The following SVIL variants were observed in gnomAD, a reference collection of about 807,000 sequenced individuals.
SVIL encodes the protein supervillin.
SVIL carries 101 observed loss-of-function variants against 240.4 expected under a neutral mutation model. The observed-to-expected ratio is 0.42, with a 90% CI of 0.36 to 0.50. SVIL has a LOEUF of 0.50. Among genes scored for constraint, SVIL ranks in the 20% least tolerant of loss-of-function variants. The probability of loss-of-function intolerance (pLI) is 0.01; values close to 1 mark genes in which losing one functional copy is unlikely to be tolerated. For synonymous variants in SVIL, 999 were observed against 1,100.0 expected (o/e 0.91, Z 1.82); for missense variants, 2,512 against 2,818.7 (o/e 0.89, Z 2.46).
intron 23 of SVIL, 47 bp from the exon 24 acceptor site, chr10:29,487,346 T>C (rs1484658535): frequency 6.2e-7 from 1 of 1,610,088 alleles, no homozygotes; most frequent in Non-Finnish European, 8.5e-7. Flanking sequence ...AGAACGGGGA[T>C]AGGACGCACC....
intron 6 of SVIL, among the ~76,000 whole-genome samples, chr10:29,544,645 C>T (rs1419756019): frequency 6.6e-6 from 1 of 150,376 alleles, no homozygotes; most frequent in Non-Finnish European, 1.5e-5. Context: ...TAAGTCCCAA[C>T]TACTCAGAAG....
In SVIL at chr10:29,550,674, G is replaced by A. The variant is rs781641007; in HGVS notation, c.750C>T (p.His250=). Residue 250 remains histidine (H), a synonymous_variant, in exon 6 of 38, where the codon CAC becomes CAT. Transcript: ENST00000355867. The stretch of plus-strand genomic sequence containing the variant: ...AGGCTGCCTGCTGCAGGGAGGAGCT[G>A]TGGGCGTGCTTGGGGGACCGTGGCA... ...TEVPRSPKHA[H]SSSLQQAASR... is the part of the protein sequence containing the mutation. The A allele has an allele frequency of 4.3e-6, 7 of 1,613,946 alleles. No homozygotes were observed. The African/African-American group carries it at 9.3e-5, about 22-fold the overall frequency.
chr10:29,594,917 G>T (rs1425025977), intron 1 of SVIL, among the ~76,000 whole-genome samples: 1 of 152,226 alleles, frequency 6.6e-6, no homozygotes, highest in Non-Finnish European at 1.5e-5. Flanking sequence ...ACACCTCTGG[G>T]TTGTATAGTT....
At chr10:29,576,124 T>G (rs1419263399) in intron 1 of SVIL, 1 of 985,210 alleles carries the variant, frequency 1.0e-6, no homozygotes, top group Non-Finnish European at 1.2e-6. Context: ...ACGTTTGGCT[T>G]CATTTTCGTT....
chr10:29,526,010 G>A (rs1950874666), intron 13 of SVIL, among the ~76,000 whole-genome samples: 1 of 152,146 alleles, frequency 6.6e-6, no homozygotes, highest in Non-Finnish European at 1.5e-5. Flanking sequence ...TTTAGCTTTT[G>A]CGGTTTGGCT....
intron 34 of SVIL, 22 bp downstream of exon 34, chr10:29,465,573 A>G (rs1355113139): frequency 1.3e-6 from 2 of 1,587,074 alleles, no homozygotes; most frequent in Non-Finnish European, 1.7e-6. Context: ...TGCTCAGCAT[A>G]GCTGCCCCCT....
intron 6 of SVIL, among the ~76,000 whole-genome samples, chr10:29,549,865 A>C (rs1195800600): frequency 1.1e-4 from 10 of 92,762 alleles, no homozygotes; most frequent in East Asian, 6.7e-4. Flanking sequence ...CACTCTGGGG[A>C]CTGTTGTGGG....
chr10:29,536,605 A>C (rs1027781113), intron 6 of SVIL, among the ~76,000 whole-genome samples: 1 of 152,166 alleles, frequency 6.6e-6, no homozygotes, highest in Non-Finnish European at 1.5e-5. Flanking sequence ...AAGTAATTTT[A>C]AATTATTAGA....
chr10:29,476,228 C>T (rs963058673), intron 29 of SVIL, among the ~76,000 whole-genome samples: 1 of 152,168 alleles, frequency 6.6e-6, no homozygotes, highest in Non-Finnish European at 1.5e-5. Flanking sequence ...ATTTGTTGCA[C>T]TAAATAGATT....
intron 17 of SVIL, among the ~76,000 whole-genome samples, chr10:29,511,491 G>A (rs533019773): frequency 6.6e-6 from 1 of 151,884 alleles, no homozygotes; most frequent in East Asian, 1.9e-4. Context: ...ATGTGTTAAA[G>A]TCATTTTTGA....
intron 1 of SVIL, among the ~76,000 whole-genome samples, chr10:29,589,233 C>A (rs1308935244): frequency 2.6e-5 from 4 of 152,154 alleles, no homozygotes; most frequent in Non-Finnish European, 4.4e-5. Flanking sequence ...GTAACACCAA[C>A]CCCATGCCGC....
At chr10:29,708,995 G>A (rs183423976) in intron 1 of SVIL, among the ~76,000 whole-genome samples, 184 of 134,460 alleles carry the variant, frequency 1.4e-3, no homozygotes, top group African/African-American at 4.4e-3. Flanking sequence ...AGAACACAAA[G>A]CAAAAGAATA....
upstream of SVIL, among the ~76,000 whole-genome samples, chr10:29,639,578 C>T (rs1054461322): frequency 6.6e-5 from 10 of 151,610 alleles, no homozygotes; most frequent in Non-Finnish European, 2.9e-5. Context: ...AAGCGATTCT[C>T]CTACCTCAGC....
At chr10:29,496,780 G>T (rs1247066692) in intron 18 of SVIL, among the ~76,000 whole-genome samples, 1 of 152,210 alleles carries the variant, frequency 6.6e-6, no homozygotes. Flanking sequence ...TGTGGACAAG[G>T]GCAGTGGCAT....
intron 1 of SVIL, among the ~76,000 whole-genome samples, chr10:29,728,842 A>C (rs1964437781): frequency 6.6e-6 from 1 of 151,832 alleles, no homozygotes; most frequent in Admixed American, 6.6e-5. Flanking sequence ...AGGGAAAGCA[A>C]TTAAACACCA....
intron 1 of SVIL, among the ~76,000 whole-genome samples, chr10:29,601,492 G>C (rs1408787159): frequency 1.3e-5 from 2 of 152,218 alleles, no homozygotes; most frequent in Admixed American, 6.5e-5. Flanking sequence ...TTCTAGGAGA[G>C]GTTTAAGCCT....
chr10:29,522,671 C>T (rs1425616813), intron 15 of SVIL, 36 bp from the exon 16 acceptor site: 4 of 1,597,500 alleles, frequency 2.5e-6, no homozygotes, highest in Middle Eastern at 3.6e-4. Flanking sequence ...CACTGAACTC[C>T]TCAGGCAAAC....
At chr10:29,548,812 G>A (rs1296896651) in intron 6 of SVIL, among the ~76,000 whole-genome samples, 1 of 152,208 alleles carries the variant, frequency 6.6e-6, no homozygotes, top group East Asian at 1.9e-4. Context: ...TCTCTGATAT[G>A]ATTACAGAAA....
Position 29,486,402 on chromosome 10 carries a change from A to G in SVIL, c.4633+8T>C. 6.2e-7 allele frequency: 1 copy of G among 1,613,896 alleles called. No individual in the cohort carries two copies. Among genetic ancestry groups the G allele is most frequent in the Non-Finnish European group, 8.5e-7 (1 of 1,179,966 alleles). ...CTCGTCAATCTCTGAAGTACAATGA[A>G]GTCTTACATTGGTAACTGGTTTGGC... On this transcript the variant is annotated splice_region_variant and intron_variant, in intron 25 of 37. Transcript: ENST00000355867.
Sources: allele counts gnomAD v4.1 joint callset (sites outside exome capture counted in the v4.1 genomes callset), GRCh38; gene constraint gnomAD v4.1.1; transcripts MANE v1.5; gene names NCBI Gene and HGNC (gene_info 2026-07-23, HGNC 2026-07-21).